Variants in HSD17B10 observed in about 807,000 individuals in gnomAD.
HSD17B10 encodes the protein 3-hydroxyacyl-CoA dehydrogenase type-2.
For missense variants in HSD17B10, 87 were observed against 219.4 expected, an observed-to-expected ratio of 0.40 and a Z score of 3.81; for synonymous variants, 90 against 85.9, an observed-to-expected ratio of 1.05 and a Z score of -0.26.
At position 53,431,306 on chromosome X, in the gene HSD17B10, C is replaced by T. The variant is rs1278507055; in HGVS notation, c.*98G>A. On this transcript the variant is annotated 3_prime_UTR_variant, in exon 6 of 6. Coordinates refer to ENST00000168216, the MANE Select transcript of HSD17B10 (RefSeq NM_004493.3). ...TTAGGCACAGAGGGCGACTGGTAGGCAGTTACAAAATGGCTACTGGGCTTC... is the reference window on the plus strand; with the variant it reads ...TTAGGCACAGAGGGCGACTGGTAGGTAGTTACAAAATGGCTACTGGGCTTC... 2 of 803,735 alleles carry T rather than the reference C, an allele frequency of 2.5e-6. No individual in the cohort carries two copies. Among genetic ancestry groups the T allele is most frequent in the Non-Finnish European group, 3.7e-6 (2 of 538,193 alleles). The allele number at this position is 803,735 out of a possible 1,213,427, so 66.2% of individuals were successfully genotyped here.
chrX:53,432,171 C>T, intron 3 of HSD17B10, 55 bp from the exon 4 acceptor site: 2 of 1,209,975 alleles, frequency 1.7e-6, no homozygotes, highest in South Asian at 3.5e-5. Flanking sequence ...AGCCTTTGTC[C>T]CCTAAAAACT....
chrX:53,434,376 T>C (rs2075837269), upstream of HSD17B10: 1 of 1,164,181 alleles, frequency 8.6e-7, no homozygotes, highest in Admixed American at 2.6e-5. Flanking sequence ...GGGATGGGGA[T>C]GGGGGCGCGG....
rs1372486093 is a variant in HSD17B10, at chrX:53,432,511, A to G, written c.193-100T>C. ...GCAGGGCATGCCCAGTCCTTGGGTG[A>G]GAAGAGATTTGTGAGAAGGGAGAGG... is the stretch of plus-strand genomic sequence containing the variant. On this transcript the variant is annotated intron_variant, in intron 2 of 5. Transcript: ENST00000168216. 12 of 723,092 alleles carry G rather than the reference A, an allele frequency of 1.7e-5. No homozygotes were observed. The Admixed American group carries it at 2.6e-4, about 15-fold the overall frequency. The allele number at this position is 723,092 out of a possible 1,213,427, so 59.6% of individuals were successfully genotyped here.
rs373822420 is a variant in HSD17B10, at chrX:53,431,973, C to T, written c.486+15G>A. On this transcript the variant is annotated intron_variant, in intron 4 of 5. Transcript: ENST00000168216. Reference sequence around the variant, plus strand: ...AGTCACTTAGGAGGCATAAGTCTTACCCCTGCCCACACACCTGACCCTCGA... The same window carrying T: ...AGTCACTTAGGAGGCATAAGTCTTATCCCTGCCCACACACCTGACCCTCGA... 2 of 1,209,393 alleles carry T rather than the reference C, an allele frequency of 1.7e-6. No homozygotes were observed. The highest frequency in any genetic ancestry group is 1.8e-5 in the African/African-American group (1 of 56,974).
At chrX:53,431,954 T>C (rs2075826498) in intron 4 of HSD17B10, 34 bp downstream of exon 4, 2 of 1,210,794 alleles carry the variant, frequency 1.7e-6, no homozygotes, top group Non-Finnish European at 2.2e-6. Context: ...AACAAGTCAC[T>C]TAGGAGGCAT....
intron 1 of HSD17B10, 108 bp from the exon 2 acceptor site, chrX:53,433,994 G>A (rs2075835218): frequency 3.3e-6 from 3 of 914,692 alleles, no homozygotes; most frequent in Non-Finnish European, 4.6e-6. Flanking sequence ...GAGGGGAGAG[G>A]TCGTGGTCAC....
chrX:53,433,875 C>G lies in HSD17B10; in HGVS notation c.39G>C (p.Ala13=), dbSNP rs1556894946. 1.7e-6 allele frequency: 2 copies of G among 1,210,779 alleles called. No individual in the cohort carries two copies. Reference sequence around the variant, plus strand: ...GGCCCGAGGCTCCTCCGGTTATTACCGCCACCAGGCCCTGTCAAAAGGGAC... The same window carrying G: ...GGCCCGAGGCTCCTCCGGTTATTACGGCCACCAGGCCCTGTCAAAAGGGAC... ...AACRSVKGLV[A]VITGGASGLG... is the part of the protein sequence containing the mutation. Residue 13 remains alanine (A), a synonymous_variant, in exon 2 of 6, where the codon GCG becomes GCC. Transcript: ENST00000168216.
chrX:53,433,881 C>T lies in HSD17B10; in HGVS notation c.33G>A (p.Leu11=), dbSNP rs1556894950. The change falls in exon 2 of 6, where the codon CTG becomes CTA. Residue 11 remains leucine, a synonymous_variant. Transcript: ENST00000168216. MAAACRSVKG[L]VAVITGGASG... ...AGGCTCCTCCGGTTATTACCGCCAC[C>T]AGGCCCTGTCAAAAGGGACATGGTC... The T allele has an allele frequency of 5.0e-6, 6 of 1,210,497 alleles. No homozygotes were observed. Among genetic ancestry groups the T allele is most frequent in the Admixed American group, 2.2e-5 (1 of 46,085 alleles).
Position 53,432,281 on chromosome X carries a change from G to A in HSD17B10, c.323C>T (p.Thr108Ile), listed in dbSNP as rs782143488. The change falls in exon 3 of 6, where the codon ACC (threonine) becomes ATC (isoleucine). Residue 108 changes from threonine to isoleucine, a missense_variant. Physicochemically the swap from Thr to Ile is moderately conservative, Grantham distance 89 (BLOSUM62 -1). Coordinates refer to ENST00000168216, the MANE Select transcript of HSD17B10 (RefSeq NM_004493.3). ...TCGCTGGAAGTCTTCCAAGGTATGG[G>A]TCTGGCCCTTCTTTAAGTTGTACGT... is the stretch of plus-strand genomic sequence containing the variant. The part of the protein sequence containing the change: ...SKTYNLKKGQ[T>I]HTLEDFQRVL... 9.1e-6 allele frequency: 11 copies of A among 1,210,985 alleles called. No individual in the cohort carries two copies. The highest frequency in any genetic ancestry group is 2.3e-4 in the Middle Eastern group (1 of 4,334).
chrX:53,434,159 G>T, intron 1 of HSD17B10, 160 bp downstream of exon 1: 1 of 596,369 alleles, frequency 1.7e-6, no homozygotes, highest in Non-Finnish European at 2.8e-6. Context: ...CAGATGCGCC[G>T]CGGAGTGCTG....
chrX:53,431,679 C>G (rs2075825503), intron 5 of HSD17B10, 85 bp from the exon 6 acceptor site: 1 of 1,032,694 alleles, frequency 9.7e-7, no homozygotes, highest in Admixed American at 2.6e-5. Context: ...CTTCTTGGTG[C>G]TTCTCTGGGG....
At position 53,431,295 on chromosome X, in the gene HSD17B10, C is replaced by T. The variant is rs782705454; in HGVS notation, c.*109G>A. The T allele has an allele frequency of 4.0e-5, 30 of 750,744 alleles. No homozygotes were observed. The highest frequency in any genetic ancestry group is 1.5e-4 in the African/African-American group (7 of 47,793). 61.9% of individuals were successfully genotyped at this position (750,744 alleles called of 1,213,427 possible). The stretch of plus-strand genomic sequence containing the variant: ...AAGAGACTTTATTAGGCACAGAGGG[C>T]GACTGGTAGGCAGTTACAAAATGGC... On this transcript the variant is annotated 3_prime_UTR_variant, in exon 6 of 6. Coordinates refer to ENST00000168216, the MANE Select transcript of HSD17B10 (RefSeq NM_004493.3).
rs1455684183 is a variant in HSD17B10, at chrX:53,433,907, A to G, written c.28-21T>C. On this transcript the variant is annotated intron_variant, in intron 1 of 5. Transcript: ENST00000168216. The stretch of plus-strand genomic sequence containing the variant: ...AGGCCCTGTCAAAAGGGACATGGTC[A>G]GGGTCAGCTGTTACATTGCCCAGAC... 5 of 1,203,810 alleles carry G rather than the reference A, an allele frequency of 4.2e-6. No individual in the cohort carries two copies. The East Asian group carries it at 1.2e-4, about 29-fold the overall frequency.
chrX:53,432,678 C>A, intron 2 of HSD17B10: 1 of 354,173 alleles, frequency 2.8e-6, no homozygotes, highest in Non-Finnish European at 5.0e-6. Context: ...GGTGAAAACC[C>A]GTCTCTACTA....
In HSD17B10 at chrX:53,431,415, T is replaced by C. The variant is rs975865504; in HGVS notation, c.775A>G (p.Met259Val). The C allele has an allele frequency of 8.3e-7, 1 of 1,209,816 alleles. No individual in the cohort carries two copies. Among genetic ancestry groups the C allele is most frequent in the South Asian group, 1.8e-5 (1 of 56,888 alleles). Residue 259 changes from methionine to valine, a missense_variant, in exon 6 of 6, where the codon ATG (methionine) becomes GTG (valine). Met to Val is a conservative substitution (Grantham distance 21). Coordinates refer to ENST00000168216, the MANE Select transcript of HSD17B10 (RefSeq NM_004493.3). ...TCTGCCTTCTCCCTTCAAGGCTGCA[T>C]ACGAATGGCCCCATCCAGCCGGATG... ...EVIRLDGAIR[M>V]QP
chrX:53,433,893 A>G lies in HSD17B10; in HGVS notation c.28-7T>C, dbSNP rs782381265. 8.3e-7 allele frequency: 1 copy of G among 1,209,284 alleles called. No homozygotes were observed. Among genetic ancestry groups the G allele is most frequent in the East Asian group, 3.0e-5 (1 of 33,836 alleles). ...TTATTACCGCCACCAGGCCCTGTCA[A>G]AAGGGACATGGTCAGGGTCAGCTGT... On this transcript the variant is annotated splice_polypyrimidine_tract_variant and splice_region_variant and intron_variant, in intron 1 of 5. Coordinates refer to ENST00000168216, the MANE Select transcript of HSD17B10 (RefSeq NM_004493.3).
At chrX:53,431,630 G>A (rs782543780) in intron 5 of HSD17B10, 36 bp from the exon 6 acceptor site, 3 of 1,126,625 alleles carry the variant, frequency 2.7e-6, no homozygotes, top group Admixed American at 2.4e-5. Flanking sequence ...ACTCACCCTT[G>A]CTTTCATGAT....
In HSD17B10 at chrX:53,432,239, G is replaced by A; in HGVS notation, c.357+8C>T. On this transcript the variant is annotated splice_region_variant and intron_variant, in intron 3 of 5. Transcript: ENST00000168216. Reference sequence around the variant, plus strand: ...ACCACTATCCCTGGAGAACTTCCAAGGCCTTACATCAAGAACTCGCTGGAA... The same window carrying A: ...ACCACTATCCCTGGAGAACTTCCAAAGCCTTACATCAAGAACTCGCTGGAA... 2.5e-6 allele frequency: 3 copies of A among 1,208,937 alleles called. No homozygotes were observed. Among genetic ancestry groups the A allele is most frequent in the Non-Finnish European group, 3.4e-6 (3 of 893,558 alleles).
intron 2 of HSD17B10, 104 bp downstream of exon 2, chrX:53,433,618 C>T (rs1397380751): frequency 3.9e-6 from 3 of 763,131 alleles, no homozygotes; most frequent in East Asian, 6.9e-5. Flanking sequence ...ATGGGTCTAC[C>T]GCCCCCATAG....
Sources: gnomAD v4.1 joint callset for allele counts on GRCh38, gnomAD v4.1.1 for gene constraint, MANE v1.5 for transcripts, NCBI Gene and HGNC (gene_info 2026-07-23, HGNC 2026-07-21) for gene names.